GRM3: variants seen among roughly 807,000 people sequenced by gnomAD.
The protein encoded by GRM3 is glutamate metabotropic receptor 3.
GRM3 carries 26 observed loss-of-function variants against 70.5 expected under a neutral mutation model. That is an observed-to-expected ratio of 0.37 (90% CI 0.27 to 0.51). The LOEUF (loss-of-function observed/expected upper bound fraction) is 0.51, where lower values mean the gene tolerates loss of function less well. Among genes scored for constraint, GRM3 ranks in the 20% least tolerant of loss-of-function variants. GRM3 has a pLI of 0.93. For synonymous variants in GRM3, 443 were observed against 434.9 expected, an observed-to-expected ratio of 1.02 and a Z score of -0.23; for missense variants, 859 against 1,123.8, an observed-to-expected ratio of 0.76 and a Z score of 3.37.
intron 3 of GRM3, among the ~76,000 whole-genome samples, chr7:86,807,883 G>A (rs1046455880): frequency 6.6e-6 from 1 of 152,154 alleles, no homozygotes; most frequent in Non-Finnish European, 1.5e-5. Flanking sequence ...CTATGGGTTT[G>A]TCATAAATAG....
chr7:86,751,577 G>T (rs1796231543), intron 1 of GRM3, among the ~76,000 whole-genome samples: 1 of 152,066 alleles, frequency 6.6e-6, no homozygotes, highest in South Asian at 2.1e-4. Flanking sequence ...AGTAACAGTT[G>T]CCTGACTTAG....
intron 1 of GRM3, among the ~76,000 whole-genome samples, chr7:86,720,496 C>T (rs1795431664): frequency 6.6e-6 from 1 of 152,056 alleles, no homozygotes; most frequent in African/African-American, 2.4e-5. Context: ...AAGTGTAAAA[C>T]ACATTTACAT....
chr7:86,834,639 T>A (rs1798420327), intron 3 of GRM3, among the ~76,000 whole-genome samples: 1 of 151,954 alleles, frequency 6.6e-6, no homozygotes, highest in Admixed American at 6.6e-5. Flanking sequence ...TCAGTTTTAT[T>A]GTTTGTTAAG....
intron 1 of GRM3, among the ~76,000 whole-genome samples, chr7:86,708,939 A>G (rs1475196118): frequency 1.2e-5 from 1 of 82,864 alleles, no homozygotes; most frequent in East Asian, 8.1e-4. Flanking sequence ...TGTCACACAC[A>G]TACATATACA....
Position 86,756,473 on chromosome 7 carries a change from A to G in GRM3, c.-140-8533A>G, listed in dbSNP as rs189833176. Among the ~76,000 whole-genome samples, 3 of 152,286 alleles carry G rather than the reference A, an allele frequency of 2.0e-5. No individual in the cohort carries two copies. In the East Asian group the frequency reaches 5.8e-4, roughly 29 times the overall value. On this transcript the variant is annotated intron_variant, in intron 1 of 5. Transcript: ENST00000361669. ...TCTTTATTTCAACTTCTTAAAGTAT[A>G]GTTTAACTGGATAGAGAATTCTGTG...
chr7:86,839,221 C>T lies in GRM3; in HGVS notation c.1707C>T (p.Tyr569=), dbSNP rs1276053708. The part of the protein sequence containing the change: ...LTGCYDLPED[Y]IRWEDAWAIG... The stretch of plus-strand genomic sequence containing the variant: ...GATGCTATGACCTTCCTGAGGACTA[C>T]ATCAGGTGGGAAGACGCCTGGGCCA... Residue 569 remains tyrosine, a synonymous_variant, in exon 4 of 6, where the codon TAC becomes TAT. Transcript: ENST00000361669. This position sits in a 1 kb window ranked among gnomAD's most constrained non-coding sequence, Gnocchi z 4.5. 8 of 1,613,730 alleles carry T rather than the reference C, an allele frequency of 5.0e-6. No homozygotes were observed. The highest frequency in any genetic ancestry group is 1.1e-5 in the South Asian group (1 of 91,074).
At chr7:86,776,014 G>C (rs901528757) in intron 2 of GRM3, 1 of 149,774 alleles carries the variant, frequency 6.7e-6, no homozygotes, top group Admixed American at 6.7e-5. Flanking sequence ...GGACTGTAGG[G>C]GTACATTGCT....
intron 1 of GRM3, among the ~76,000 whole-genome samples, chr7:86,651,669 T>A (rs1217943073): frequency 6.6e-6 from 1 of 152,162 alleles, no homozygotes; most frequent in South Asian, 2.1e-4. Flanking sequence ...TGGTGACCAG[T>A]CCATACTATA....
At chr7:86,856,561 T>C (rs1252184775) in intron 5 of GRM3, among the ~76,000 whole-genome samples, 1 of 151,992 alleles carries the variant, frequency 6.6e-6, no homozygotes, top group Admixed American at 6.6e-5. Context: ...TTTACCTATG[T>C]AACACACCTT....
chr7:86,730,602 T>C (rs1795710362), intron 1 of GRM3, among the ~76,000 whole-genome samples: 2 of 152,172 alleles, frequency 1.3e-5, no homozygotes, highest in Admixed American at 6.5e-5. Flanking sequence ...TTCAGAAACA[T>C]ATTCCCAAAT....
rs142681682 is a variant in GRM3 at position 86,765,532 on chromosome 7, T to C, written c.387T>C (p.Asp129=). ...ATGAAGCTGAGTATATGTGTCCTGA[T>C]GGATCCTATGCCATTCAAGAAAACA... ...KVDEAEYMCP[D]GSYAIQENIP... Residue 129 remains aspartate, a synonymous_variant, in exon 2 of 6, where the codon GAT becomes GAC. Transcript: ENST00000361669. The C allele has an allele frequency of 1.4e-5, 22 of 1,613,708 alleles. No homozygotes were observed. Among genetic ancestry groups the C allele is most frequent in the Non-Finnish European group, 1.9e-5 (22 of 1,179,814 alleles).
Position 86,786,130 on chromosome 7 carries a change from A to T in GRM3, c.469-131A>T. 1 of 770,982 alleles carries T rather than the reference A, an allele frequency of 1.3e-6. No homozygotes were observed. Among genetic ancestry groups the T allele is most frequent in the Non-Finnish European group, 2.1e-6 (1 of 466,176 alleles). 47.8% of individuals were successfully genotyped at this position (770,982 alleles called of 1,614,324 possible). The stretch of plus-strand genomic sequence containing the variant: ...CATCTGGTATTCATCTCAAGAACTA[A>T]CAGAAAAATGTAGCCATCTAGAGTA... On this transcript the variant is annotated intron_variant, in intron 2 of 5. Coordinates refer to ENST00000361669, the MANE Select transcript of GRM3 (RefSeq NM_000840.3). The surrounding 1 kb of genome is among the most constrained non-coding windows in gnomAD (Gnocchi z 6.0).
chr7:86,711,873 A>G (rs1000618685), intron 1 of GRM3, among the ~76,000 whole-genome samples: 1 of 152,034 alleles, frequency 6.6e-6, no homozygotes, highest in Non-Finnish European at 1.5e-5. Context: ...CATCTCTTCT[A>G]TTAGGGTACA....
intron 3 of GRM3, among the ~76,000 whole-genome samples, chr7:86,813,944 C>A (rs1325386485): frequency 6.6e-6 from 1 of 151,810 alleles, no homozygotes; most frequent in Non-Finnish European, 1.5e-5. Flanking sequence ...CTAAGATCAT[C>A]TTTCCCACTA....
chr7:86,860,930 G>T (rs1035030707), intron 5 of GRM3, among the ~76,000 whole-genome samples: 1 of 152,190 alleles, frequency 6.6e-6, no homozygotes, highest in Non-Finnish European at 1.5e-5. Context: ...ACAAACTTAA[G>T]AGGGGGTATT....
chr7:86,654,328 C>CCAAATATTTTA (rs1793679726), intron 1 of GRM3, among the ~76,000 whole-genome samples: 1 of 152,164 alleles, frequency 6.6e-6, no homozygotes, highest in Admixed American at 6.5e-5. Flanking sequence ...CCCCACTCTC[C>CCAAATATTTTA]CAAATATTTT....
intron 3 of GRM3, among the ~76,000 whole-genome samples, chr7:86,789,413 T>C (rs1017488753): frequency 7.9e-5 from 12 of 152,246 alleles, no homozygotes; most frequent in Admixed American, 5.2e-4. Flanking sequence ...GTAACCTGTA[T>C]ATGACTAAAT....
At chr7:86,703,979 A>G (rs557184610) in intron 1 of GRM3, among the ~76,000 whole-genome samples, 4 of 152,078 alleles carry the variant, frequency 2.6e-5, no homozygotes, top group African/African-American at 9.6e-5. Flanking sequence ...ATATGCCTGT[A>G]TTAATAAAGT....
At chr7:86,794,567 G>A (rs1797503974) in intron 3 of GRM3, among the ~76,000 whole-genome samples, 1 of 152,194 alleles carries the variant, frequency 6.6e-6, no homozygotes, top group Non-Finnish European at 1.5e-5. Flanking sequence ...CAGGCATTGA[G>A]AAGGATGGCT....
Sources: allele counts gnomAD v4.1 joint callset (sites outside exome capture counted in the v4.1 genomes callset), GRCh38; gene constraint gnomAD v4.1.1; non-coding constraint Gnocchi (gnomAD v3.1); transcripts MANE v1.5; gene names NCBI Gene and HGNC (gene_info 2026-07-23, HGNC 2026-07-21).